CLCN1: variants seen among roughly 807,000 people sequenced by gnomAD.
CLCN1 encodes the protein chloride voltage-gated channel 1.
A neutral mutation model predicts 114.5 loss-of-function variants in CLCN1; 100 were observed. The observed-to-expected ratio is 0.87, with a 90% CI of 0.74 to 1.03. The LOEUF (loss-of-function observed/expected upper bound fraction) is 1.03, where lower values mean the gene tolerates loss of function less well. Ranked by LOEUF, CLCN1 falls within the 50% of genes least tolerant of loss-of-function variation. CLCN1 has a pLI of 0.00. For synonymous variants in CLCN1, 485 were observed against 487.1 expected (o/e 1.00, Z 0.06); for missense variants, 1,188 against 1,250.0 (o/e 0.95, Z 0.75).
At chr7:143,330,690 C>A in intron 7 of CLCN1, 82 bp from the exon 8 acceptor site, 1 of 1,589,024 alleles carries the variant, frequency 6.3e-7, no homozygotes. Context: ...TCAGCAAAAG[C>A]TCCTTAGGTC....
rs755519008 is a variant in CLCN1, at chr7:143,350,572, A to G, written c.2513A>G (p.His838Arg). ...LVEQTTLHKT[H>R]TLFSLLGLHL... Reference sequence around the variant, plus strand: ...ACCTGTGCTCTTCATCCTCAGACTCATACCCTGTTTTCACTCCTTGGCCTC... The same window carrying G: ...ACCTGTGCTCTTCATCCTCAGACTCGTACCCTGTTTTCACTCCTTGGCCTC... Residue 838 changes from histidine (H) to arginine (R), a missense_variant, in exon 22 of 23, where the codon CAT becomes CGT. His to Arg is a conservative substitution (Grantham distance 29). Coordinates refer to ENST00000343257, the MANE Select transcript of CLCN1 (RefSeq NM_000083.3). This position sits in a 1 kb window ranked among gnomAD's most constrained non-coding sequence, Gnocchi z 5.1. 13 of 1,614,088 alleles carry G rather than the reference A, an allele frequency of 8.1e-6. No homozygotes were observed. The South Asian group carries it at 1.4e-4, about 18-fold the overall frequency.
rs1339865498 is a variant in CLCN1 at position 143,316,181 on chromosome 7, C to T, written c.-32C>T. 1 of 1,587,946 alleles carries T rather than the reference C, an allele frequency of 6.3e-7. No homozygotes were observed. Among genetic ancestry groups the T allele is most frequent in the Non-Finnish European group, 8.6e-7 (1 of 1,160,020 alleles). ...GGGGGAAGGACAGGGGCAAGCAGGC[C>T]AAGGCCTGGCCGGGGCTCGGGGGGA... On this transcript the variant is annotated 5_prime_UTR_variant, in exon 1 of 23. Transcript: ENST00000343257.
chr7:143,343,072 G>C (rs1803131868), intron 16 of CLCN1, among the ~76,000 whole-genome samples: 1 of 152,276 alleles, frequency 6.6e-6, no homozygotes, highest in South Asian at 2.1e-4. Flanking sequence ...TGAGTCTCTG[G>C]TCACATTTCC....
chr7:143,339,512 A>G lies in CLCN1; in HGVS notation c.1473A>G (p.Gly491=), dbSNP rs778945013. ...TCCTTCCTTTTATCTTCCCTCTAGGAGCTGCATTTGGAAGGCTGGTAGGAG... is the reference window on the plus strand; with the variant it reads ...TCCTTCCTTTTATCTTCCCTCTAGGGGCTGCATTTGGAAGGCTGGTAGGAG... ...CGGFMPVFVL[G]AAFGRLVGEI... is the part of the protein sequence containing the mutation. The change falls in exon 14 of 23, where the codon GGA becomes GGG. Residue 491 remains glycine (G), a splice_region_variant and synonymous_variant. Transcript: ENST00000343257. This position sits in a 1 kb window ranked among gnomAD's most constrained non-coding sequence, Gnocchi z 4.1. 6.2e-7 allele frequency: 1 copy of G among 1,610,214 alleles called. No homozygotes were observed. The highest frequency in any genetic ancestry group is 8.5e-7 in the Non-Finnish European group (1 of 1,176,426).
chr7:143,333,590 G>A (rs188794420), intron 12 of CLCN1, among the ~76,000 whole-genome samples: 121 of 152,190 alleles, frequency 8.0e-4, no homozygotes, highest in African/African-American at 2.7e-3. Context: ...CCATTTTTTA[G>A]GTGATTTGAG....
chr7:143,351,220 T>C (rs1158064811), intron 22 of CLCN1, among the ~76,000 whole-genome samples: 1 of 151,714 alleles, frequency 6.6e-6, no homozygotes, highest in Non-Finnish European at 1.5e-5. Flanking sequence ...TGATCTTCTG[T>C]AGATAGTGTG....
At chr7:143,341,549 ACT>A (rs938806170) in intron 14 of CLCN1, among the ~76,000 whole-genome samples, 39 of 146,828 alleles carry the variant, frequency 2.7e-4, no homozygotes, top group Admixed American at 1.1e-3. Context: ...ACAGAGTGAG[ACT>A]CTGCCTCAAA....
At chr7:143,333,300 CAAA>C (rs56344035) in intron 12 of CLCN1, among the ~76,000 whole-genome samples, 4 of 139,078 alleles carry the variant, frequency 2.9e-5, no homozygotes. Context: ...GATTCTGTCT[CAAA>C]AAAAAAAAAA....
At chr7:143,341,167 T>G (rs1803064903) in intron 14 of CLCN1, among the ~76,000 whole-genome samples, 1 of 152,154 alleles carries the variant, frequency 6.6e-6, no homozygotes, top group Non-Finnish European at 1.5e-5. Context: ...GTCCACAGTA[T>G]GATTCTCGGG....
At chr7:143,342,169 C>A in intron 15 of CLCN1, 27 bp downstream of exon 15, 1 of 1,603,158 alleles carries the variant, frequency 6.2e-7, no homozygotes, top group South Asian at 1.1e-5. Context: ...GGAATTAGTT[C>A]AGATCTGATG....
intron 9 of CLCN1, 69 bp downstream of exon 9, chr7:143,331,385 C>T: frequency 7.8e-7 from 1 of 1,288,598 alleles, no homozygotes; most frequent in East Asian, 2.3e-5. Context: ...TGGAAGGGAC[C>T]CAAGCTAGAA....
intron 22 of CLCN1, 78 bp from the exon 23 acceptor site, chr7:143,351,511 GTTCTT>G (rs1803400819): frequency 4.8e-6 from 7 of 1,467,122 alleles, no homozygotes; most frequent in African/African-American, 1.4e-5. Context: ...CATTGTACCT[GTTCTT>G]TTCTGTGTCT....
chr7:143,332,299 TTTTTCATTTAAAGAAA>T, intron 10 of CLCN1, 104 bp from the exon 11 acceptor site: 1 of 848,588 alleles, frequency 1.2e-6, no homozygotes. Context: ...GAAGAGAATC[TTTTTCATTTAAAGAAA>T]TGAGACTACG....
chr7:143,328,665 G>A (rs530930756), intron 7 of CLCN1, among the ~76,000 whole-genome samples: 2 of 152,252 alleles, frequency 1.3e-5, no homozygotes, highest in South Asian at 4.1e-4. Flanking sequence ...GTATAGAAAA[G>A]GAGAGAGACT....
chr7:143,336,156 T>G (rs976644044), intron 12 of CLCN1, among the ~76,000 whole-genome samples: 1 of 152,102 alleles, frequency 6.6e-6, no homozygotes, highest in African/African-American at 2.4e-5. Flanking sequence ...AGCCTGAGGC[T>G]CTGTTGAATT....
chr7:143,316,244 G>T lies in CLCN1; in HGVS notation c.32G>T (p.Gly11Val). The stretch of plus-strand genomic sequence containing the variant: ...CAATCCCGGTCACAGCAGCGTGGGG[G>T]TGAACAAAGCTGGTGGGGTAGTGAC... Reference protein sequence around the residue: MEQSRSQQRGGEQSWWGSDPQ... With the variant: MEQSRSQQRGVEQSWWGSDPQ... Residue 11 changes from glycine (G) to valine (V), a missense_variant, in exon 1 of 23, where the codon GGT becomes GTT. Transcript: ENST00000343257. 1 of 1,613,742 alleles carries T rather than the reference G, an allele frequency of 6.2e-7. No homozygotes were observed. The highest frequency in any genetic ancestry group is 8.5e-7 in the Non-Finnish European group (1 of 1,179,806).
rs1802730553 is a variant in CLCN1 at position 143,331,750 on chromosome 7, G to A, written c.1166+98G>A. 4.8e-6 allele frequency: 4 copies of A among 829,640 alleles called. No individual in the cohort carries two copies. The African/African-American group carries it at 5.0e-5, about 10-fold the overall frequency. 51.4% of individuals were successfully genotyped at this position (829,640 alleles called of 1,614,324 possible). ...TTGGGGAAGGCATTAAATGCCTCTG[G>A]GTGGCTTGCATTAAAATATAAGGAA... On this transcript the variant is annotated intron_variant, in intron 10 of 22. Coordinates refer to ENST00000343257, the MANE Select transcript of CLCN1 (RefSeq NM_000083.3).
At chr7:143,336,499 C>T (rs1411568353) in intron 12 of CLCN1, among the ~76,000 whole-genome samples, 2 of 150,872 alleles carry the variant, frequency 1.3e-5, no homozygotes, top group Admixed American at 1.3e-4. Context: ...AATCCCAGCT[C>T]CTCGGGAGGC....
At chr7:143,331,828 A>G (rs776799000) in intron 10 of CLCN1, among the ~76,000 whole-genome samples, 176 bp downstream of exon 10, 2 of 151,966 alleles carry the variant, frequency 1.3e-5, no homozygotes, top group African/African-American at 4.8e-5. Context: ...TTTAAAGATT[A>G]TTTTTGTTTT....
Sources: allele counts gnomAD v4.1 joint callset (sites outside exome capture counted in the v4.1 genomes callset), GRCh38; gene constraint gnomAD v4.1.1; non-coding constraint Gnocchi (gnomAD v3.1); transcripts MANE v1.5; gene names NCBI Gene and HGNC (gene_info 2026-07-23, HGNC 2026-07-21).